PDE2A: variants seen among roughly 807,000 people sequenced by gnomAD.
PDE2A encodes the protein cGMP-dependent 3',5'-cyclic phosphodiesterase.
In PDE2A, 53 loss-of-function variants were observed where a neutral mutation model predicts 133.6. That is an observed-to-expected ratio of 0.40 (90% CI 0.32 to 0.50). The LOEUF is 0.50. Ranked by LOEUF, PDE2A falls within the 20% of genes least tolerant of loss-of-function variation. PDE2A has a pLI of 0.73. For synonymous variants in PDE2A, 491 were observed against 490.2 expected (o/e 1.00, Z -0.02); for missense variants, 796 against 1,232.4 (o/e 0.65, Z 5.30).
At chr11:72,619,072 G>A (rs111415681) in intron 2 of PDE2A, among the ~76,000 whole-genome samples, 17 of 150,516 alleles carry the variant, frequency 1.1e-4, no homozygotes, top group Admixed American at 5.9e-4. Context: ...ACACACACAC[G>A]CACACACTGG....
chr11:72,666,193 C>T (rs1307799614), intron 1 of PDE2A, among the ~76,000 whole-genome samples: 2 of 152,146 alleles, frequency 1.3e-5, no homozygotes, highest in Non-Finnish European at 2.9e-5. Flanking sequence ...GAGCTCCCCA[C>T]CTGCTCTAGG....
At position 72,597,396 on chromosome 11, in the gene PDE2A, G is replaced by A. The variant is rs1208396583; in HGVS notation, c.433+114C>T. The stretch of plus-strand genomic sequence containing the variant: ...AGGGACTGCTAGAGACACAGAGCAA[G>A]AGAAAGAAGGAGACAGAGATGAAGA... On this transcript the variant is annotated intron_variant, in intron 5 of 30. Transcript: ENST00000334456. This position sits in a 1 kb window ranked among gnomAD's most constrained non-coding sequence, Gnocchi z 4.6. The A allele has an allele frequency of 9.4e-6, 6 of 635,292 alleles. No individual in the cohort carries two copies. Among genetic ancestry groups the A allele is most frequent in the Non-Finnish European group, 1.7e-5 (6 of 356,714 alleles). The allele number at this position is 635,292 out of a possible 1,614,324, so 39.4% of individuals were successfully genotyped here. A position where few individuals can be genotyped will look rare whatever the true frequency, so the allele number is the denominator to read the frequency against.
chr11:72,584,164 C>A, intron 19 of PDE2A, 37 bp downstream of exon 19: 2 of 878,384 alleles, frequency 2.3e-6, no homozygotes, highest in South Asian at 1.4e-5. Context: ...GCCCCGCCCC[C>A]TATCACCCCA....
chr11:72,624,141 G>C (rs1449403376), intron 2 of PDE2A, among the ~76,000 whole-genome samples: 1 of 152,026 alleles, frequency 6.6e-6, no homozygotes, highest in Admixed American at 6.6e-5. Context: ...ACAGGCGCCT[G>C]TCACCATGCC....
chr11:72,658,184 G>A lies in PDE2A; in HGVS notation c.72-15858C>T, dbSNP rs114183874. The A allele has an allele frequency of 2.8e-3, 1,253 of 452,282 alleles. 12 individuals are homozygous for A. The highest frequency in any genetic ancestry group is 0.023 in the African/African-American group (1,162 of 50,068). The allele number at this position is 452,282 out of a possible 1,614,324, so 28.0% of individuals were successfully genotyped here. A position where few individuals can be genotyped will look rare whatever the true frequency, so the allele number is the denominator to read the frequency against. On this transcript the variant is annotated intron_variant, in intron 1 of 30. Transcript: ENST00000334456. ...TCAGGATGCCCCACCCCGACTTATCGCTGCCTTCTCTGAACTGCCAGCAAT... is the reference window on the plus strand; with the variant it reads ...TCAGGATGCCCCACCCCGACTTATCACTGCCTTCTCTGAACTGCCAGCAAT...
intron 1 of PDE2A, among the ~76,000 whole-genome samples, chr11:72,655,631 T>C (rs1854877526): frequency 6.6e-6 from 1 of 152,188 alleles, no homozygotes. Flanking sequence ...TTCCTGGATA[T>C]GGAGCCTATG....
intron 1 of PDE2A, among the ~76,000 whole-genome samples, chr11:72,655,563 A>C (rs1427916201): frequency 2.6e-5 from 4 of 151,870 alleles, no homozygotes; most frequent in African/African-American, 9.7e-5. Context: ...GTAGAGCAGG[A>C]GTTGTGAATG....
chr11:72,674,262 C>A lies in PDE2A; in HGVS notation c.-55G>T, dbSNP rs1855452170. On this transcript the variant is annotated 5_prime_UTR_variant, in exon 1 of 31. Coordinates refer to ENST00000334456, the MANE Select transcript of PDE2A (RefSeq NM_002599.5). The stretch of plus-strand genomic sequence containing the variant: ...ACTAAGGTGGCACCTCGCCCTGTCC[C>A]CGCTGCCTGGAGTTCAGGGCAGGGC... 1.3e-6 allele frequency: 2 copies of A among 1,555,756 alleles called. No homozygotes were observed. Among genetic ancestry groups the A allele is most frequent in the Non-Finnish European group, 1.7e-6 (2 of 1,148,930 alleles).
In PDE2A at chr11:72,585,604, G is replaced by T. The variant is rs12287467; in HGVS notation, c.1183-11C>A. 1.3e-3 allele frequency: 2,085 copies of T among 1,613,652 alleles called. 28 individuals are homozygous for T. In the African/African-American group the frequency reaches 0.023, roughly 18 times the overall value. Reference sequence around the variant, plus strand: ...CACTTGGAGAAGAGCCTGGAATGAAGGAAATGGAGATCATAGGGGGGTCGG... The same window carrying T: ...CACTTGGAGAAGAGCCTGGAATGAATGAAATGGAGATCATAGGGGGGTCGG... On this transcript the variant is annotated splice_polypyrimidine_tract_variant and intron_variant, in intron 14 of 30. Coordinates refer to ENST00000334456, the MANE Select transcript of PDE2A (RefSeq NM_002599.5).
chr11:72,665,176 T>G (rs1049552915), intron 1 of PDE2A, among the ~76,000 whole-genome samples: 8 of 151,918 alleles, frequency 5.3e-5, no homozygotes, highest in Non-Finnish European at 1.2e-4. Flanking sequence ...GCTGCTTCTC[T>G]CCTTTTCTAC....
At chr11:72,600,048 G>A (rs1175268300) in intron 4 of PDE2A, among the ~76,000 whole-genome samples, 2 of 152,238 alleles carry the variant, frequency 1.3e-5, no homozygotes, top group Non-Finnish European at 2.9e-5. Flanking sequence ...TTGGAGGCGA[G>A]AAGATTGTGT....
At chr11:72,654,903 C>T (rs1242941243) in intron 1 of PDE2A, among the ~76,000 whole-genome samples, 4 of 152,162 alleles carry the variant, frequency 2.6e-5, no homozygotes, top group African/African-American at 2.4e-5. Context: ...CATCCCCAAC[C>T]ACCATAGGGT....
chr11:72,625,310 C>T (rs573799920), intron 2 of PDE2A, among the ~76,000 whole-genome samples: 3 of 152,322 alleles, frequency 2.0e-5, no homozygotes, highest in African/African-American at 2.4e-5. Flanking sequence ...AGATCAGCTC[C>T]GGGCCTCGCC....
At chr11:72,622,366 A>T (rs1403574135) in intron 2 of PDE2A, among the ~76,000 whole-genome samples, 1 of 152,234 alleles carries the variant, frequency 6.6e-6, no homozygotes, top group Non-Finnish European at 1.5e-5. Context: ...TACATCTGAA[A>T]GAATTGGAAG....
chr11:72,590,277 C>T lies in PDE2A; in HGVS notation c.704-33G>A, dbSNP rs779840276. ...GGCCAGGCGCCGGTCAGAGAGAGGG[C>T]CCCTCCGCACCTCCGTGTCCGGGTC... is the stretch of plus-strand genomic sequence containing the variant. On this transcript the variant is annotated intron_variant, in intron 8 of 30. Coordinates refer to ENST00000334456, the MANE Select transcript of PDE2A (RefSeq NM_002599.5). The surrounding 1 kb of genome is among the most constrained non-coding windows in gnomAD (Gnocchi z 4.8). 7 of 1,547,156 alleles carry T rather than the reference C, an allele frequency of 4.5e-6. No individual in the cohort carries two copies. The Admixed American group carries it at 1.2e-4, about 26-fold the overall frequency.
At chr11:72,584,789 G>A in intron 17 of PDE2A, 61 bp from the exon 18 acceptor site, 2 of 1,609,986 alleles carry the variant, frequency 1.2e-6, no homozygotes, top group Non-Finnish European at 1.7e-6. Context: ...AGAGGGGACT[G>A]TTAAACCTCG....
chr11:72,670,862 G>A (rs919287657), intron 1 of PDE2A, among the ~76,000 whole-genome samples: 4 of 135,598 alleles, frequency 2.9e-5, no homozygotes, highest in African/African-American at 9.9e-5. Flanking sequence ...TGCCCAGGAG[G>A]GAAGAGATGA....
intron 1 of PDE2A, among the ~76,000 whole-genome samples, chr11:72,664,391 T>TTTTTTTTTTA (rs57162079): frequency 9.8e-6 from 1 of 102,046 alleles, no homozygotes. Flanking sequence ...TTTTTTTTTT[T>TTTTTTTTTTA]GAGACGGAGT....
rs1854730605 is a variant in PDE2A at position 72,651,143 on chromosome 11, A to G, written c.72-8817T>C. On this transcript the variant is annotated intron_variant, in intron 1 of 30. Coordinates refer to ENST00000334456, the MANE Select transcript of PDE2A (RefSeq NM_002599.5). The stretch of plus-strand genomic sequence containing the variant: ...CTGTTATAACACCCCATCATTCAAA[A>G]AGTCTGTTTTTCTTACATTCTGTGA... Among the ~76,000 whole-genome samples, 4 of 152,158 alleles carry G rather than the reference A, an allele frequency of 2.6e-5. 1 individual carries two copies. The highest frequency in any genetic ancestry group is 4.1e-4 in the South Asian group (2 of 4,828).
Sources: gnomAD v4.1 joint callset for allele counts (sites outside exome capture counted in the v4.1 genomes callset) on GRCh38, gnomAD v4.1.1 for gene constraint, Gnocchi (gnomAD v3.1) non-coding constraint, MANE v1.5 for transcripts, NCBI Gene and HGNC (gene_info 2026-07-23, HGNC 2026-07-21) for gene names.